The following NCAM2 variants were observed in gnomAD, a reference collection of about 807,000 sequenced individuals.
NCAM2 encodes the protein neural cell adhesion molecule 2, also known as N-CAM-2.
NCAM2 carries 30 observed loss-of-function variants against 98.1 expected under a neutral mutation model. That is an observed-to-expected ratio of 0.31 (90% CI 0.23 to 0.41). NCAM2 has a LOEUF of 0.41. NCAM2 is among the 10% of genes least tolerant of loss of function. The pLI, the probability that NCAM2 is intolerant of heterozygous loss-of-function variation, is 1.00. For synonymous variants in NCAM2, 368 were observed against 342.4 expected (o/e 1.07, Z -0.83); for missense variants, 867 against 1,005.8 (o/e 0.86, Z 1.87).
chr21:21,385,701 A>G (rs1398117239), intron 9 of NCAM2: 20 of 1,267,326 alleles, frequency 1.6e-5, no homozygotes, highest in Non-Finnish European at 1.8e-5. Flanking sequence ...TCCAATTTCT[A>G]AAACAAAGGA....
chr21:21,218,057 A>G (rs939886050), intron 1 of NCAM2, among the ~76,000 whole-genome samples: 1 of 152,206 alleles, frequency 6.6e-6, no homozygotes, highest in African/African-American at 2.4e-5. Context: ...TATTGTGCCC[A>G]TGCTTGTGAC....
At chr21:21,295,252 T>C (rs1276437813) in intron 5 of NCAM2, among the ~76,000 whole-genome samples, 8 of 98 alleles carry the variant, frequency 0.082, no homozygotes, top group Middle Eastern at 0.5. Flanking sequence ...TCATACTCTT[T>C]TGTTCACCAA....
chr21:21,068,480 G>C (rs1010711408), intron 1 of NCAM2, among the ~76,000 whole-genome samples: 1 of 129,920 alleles, frequency 7.7e-6, no homozygotes, highest in African/African-American at 3.2e-5. Flanking sequence ...TTTTTTTTGA[G>C]ATGGAATCTA....
At chr21:21,266,558 C>T (rs904835177) in intron 1 of NCAM2, among the ~76,000 whole-genome samples, 2 of 152,092 alleles carry the variant, frequency 1.3e-5, no homozygotes, top group Non-Finnish European at 2.9e-5. Flanking sequence ...AGGATGAGTG[C>T]GTGTCCTTTG....
chr21:21,250,556 G>A (rs1367321889), intron 1 of NCAM2, among the ~76,000 whole-genome samples: 1 of 152,156 alleles, frequency 6.6e-6, no homozygotes, highest in Non-Finnish European at 1.5e-5. Context: ...ACTGCGGAAG[G>A]TAACAATTAT....
chr21:21,520,026 T>C (rs1988927656), intron 16 of NCAM2, among the ~76,000 whole-genome samples: 1 of 152,130 alleles, frequency 6.6e-6, no homozygotes, highest in Non-Finnish European at 1.5e-5. Flanking sequence ...TTCTTATCAA[T>C]TTAAATTACT....
intron 1 of NCAM2, among the ~76,000 whole-genome samples, chr21:21,177,664 CAT>C (rs1601576615): frequency 6.6e-6 from 1 of 151,806 alleles, no homozygotes; most frequent in East Asian, 1.9e-4. Flanking sequence ...GCCATGTTAA[CAT>C]GTGTTCCTTT....
intron 8 of NCAM2, among the ~76,000 whole-genome samples, chr21:21,370,514 C>T (rs1182851266): frequency 3.3e-5 from 5 of 151,656 alleles, no homozygotes; most frequent in Non-Finnish European, 7.4e-5. Context: ...ATGAAATAAA[C>T]ACATTTAGTA....
chr21:21,323,364 A>G (rs2074426887), intron 5 of NCAM2, among the ~76,000 whole-genome samples: 1 of 152,202 alleles, frequency 6.6e-6, no homozygotes, highest in Non-Finnish European at 1.5e-5. Context: ...ACTAAGTTAC[A>G]TACCAGTTCT....
chr21:21,452,945 T>TA (rs1569079491), intron 12 of NCAM2, among the ~76,000 whole-genome samples: 1 of 89,562 alleles, frequency 1.1e-5, no homozygotes, highest in Non-Finnish European at 1.9e-5. Context: ...ATAATATAAT[T>TA]TATACTATAT....
chr21:21,257,014 T>G (rs2071698758), intron 1 of NCAM2, among the ~76,000 whole-genome samples: 3 of 152,238 alleles, frequency 2.0e-5, no homozygotes, highest in South Asian at 2.1e-4. Context: ...ATTCATCTTT[T>G]TAATCAAGCT....
intron 16 of NCAM2, among the ~76,000 whole-genome samples, chr21:21,524,091 AATAG>A (rs1989184322): frequency 2.0e-5 from 3 of 151,930 alleles, no homozygotes; most frequent in Non-Finnish European, 4.4e-5. Flanking sequence ...ATTAAAGATA[AATAG>A]ATAGAAAAAG....
At chr21:21,456,454 G>C (rs1464278920) in intron 12 of NCAM2, among the ~76,000 whole-genome samples, 2 of 152,064 alleles carry the variant, frequency 1.3e-5, no homozygotes, top group African/African-American at 4.8e-5. Flanking sequence ...CAATTCATGA[G>C]GATAATCAGC....
At chr21:21,147,155 C>T (rs1175443514) in intron 1 of NCAM2, 1 of 954,338 alleles carries the variant, frequency 1.0e-6, no homozygotes, top group East Asian at 1.3e-4. Flanking sequence ...ATCTCGCGCC[C>T]TGTCCCACAC....
intron 1 of NCAM2, among the ~76,000 whole-genome samples, chr21:21,117,090 A>G (rs1436316099): frequency 6.6e-6 from 1 of 152,232 alleles, no homozygotes; most frequent in African/African-American, 2.4e-5. Flanking sequence ...TGATATATAC[A>G]TCTACATATA....
At chr21:21,043,613 A>G (rs1274080024) in intron 1 of NCAM2, among the ~76,000 whole-genome samples, 1 of 151,982 alleles carries the variant, frequency 6.6e-6, no homozygotes, top group Non-Finnish European at 1.5e-5. Context: ...TTTAAAAAGG[A>G]AAGTATAGGT....
intron 9 of NCAM2, among the ~76,000 whole-genome samples, chr21:21,397,573 T>C (rs2076537817): frequency 6.6e-6 from 1 of 152,102 alleles, no homozygotes; most frequent in African/African-American, 2.4e-5. Context: ...TGCTCCAAAA[T>C]CGGAGCAGGC....
Position 21,448,536 on chromosome 21 carries a change from A to AAATG in NCAM2, c.1654+16256_1654+16257insATGA, listed in dbSNP as rs1980545740. Among the ~76,000 whole-genome samples, 7 of 152,042 alleles carry AAATG rather than the reference A, an allele frequency of 4.6e-5. No homozygotes were observed. The South Asian group carries it at 1.5e-3, about 32-fold the overall frequency. On this transcript the variant is annotated intron_variant, in intron 12 of 17. Coordinates refer to ENST00000400546, the MANE Select transcript of NCAM2 (RefSeq NM_004540.5). ...TAAATAAATAAATAAATAAATAAAT[A>AAATG]AGTAAAATAATCAGTATTTGGTCTT...
chr21:21,223,967 C>T (rs2070276435), intron 1 of NCAM2, among the ~76,000 whole-genome samples: 1 of 152,094 alleles, frequency 6.6e-6, no homozygotes, highest in Admixed American at 6.6e-5. Context: ...AAAGAGAAAG[C>T]AATCACGGAA....
Sources: gnomAD v4.1 joint callset for allele counts (sites outside exome capture counted in the v4.1 genomes callset) on GRCh38, gnomAD v4.1.1 for gene constraint, MANE v1.5 for transcripts, NCBI Gene and HGNC (gene_info 2026-07-23, HGNC 2026-07-21) for gene names.